The following ASTN1 variants were observed in gnomAD, a reference collection of about 807,000 sequenced individuals.
ASTN1 encodes astrotactin 1.
Under a neutral mutation model 140.7 loss-of-function variants are expected in ASTN1, and 41 were observed. That is an observed-to-expected ratio of 0.29 (90% CI 0.23 to 0.38). The LOEUF (loss-of-function observed/expected upper bound fraction) is 0.38. Ranked by LOEUF, ASTN1 falls within the 10% of genes least tolerant of loss-of-function variation. The pLI, the probability that ASTN1 is intolerant of heterozygous loss-of-function variation, is 1.00. For missense variants in ASTN1, 1,479 were observed against 1,678.8 expected (o/e 0.88, Z 2.08); for synonymous variants, 640 against 652.2 (o/e 0.98, Z 0.29).
chr1:177,029,349 T>G, intron 5 of ASTN1: 1 of 628,618 alleles, frequency 1.6e-6, no homozygotes, highest in Non-Finnish European at 3.1e-6. Context: ...CTCCTGAGTC[T>G]TCCAGAAGAA....
At chr1:177,018,945 G>T (rs1288429646) in intron 7 of ASTN1, among the ~76,000 whole-genome samples, 2 of 152,164 alleles carry the variant, frequency 1.3e-5, no homozygotes, top group African/African-American at 4.8e-5. Flanking sequence ...TACAAACCTG[G>T]GGACATATGG....
intron 2 of ASTN1, among the ~76,000 whole-genome samples, chr1:177,037,331 C>G (rs1266308009): frequency 6.6e-6 from 1 of 152,182 alleles, no homozygotes; most frequent in Non-Finnish European, 1.5e-5. Flanking sequence ...ATATCTCACA[C>G]AGCTTATTGG....
Position 177,012,841 on chromosome 1 carries a change from A to C in ASTN1, c.1523+1950T>G, listed in dbSNP as rs373803082. Among the ~76,000 whole-genome samples, 15 of 152,302 alleles carry C rather than the reference A, an allele frequency of 9.8e-5. No individual in the cohort carries two copies. In the East Asian group the frequency reaches 1.4e-3, roughly 14 times the overall value. On this transcript the variant is annotated intron_variant, in intron 8 of 22. Transcript: ENST00000361833. ...CCTGGATCACTCAGGGCAGAAGTGA[A>C]ATATTTTGTCATTGTTTTCTCCAGC...
chr1:176,977,275 T>C (rs758102342), intron 8 of ASTN1, among the ~76,000 whole-genome samples: 5 of 152,276 alleles, frequency 3.3e-5, no homozygotes, highest in Non-Finnish European at 2.9e-5. Flanking sequence ...GTTTCACTAT[T>C]AATTCAATCA....
At chr1:176,985,845 TACACACACACACACACACACAC>T (rs60769752) in intron 8 of ASTN1, among the ~76,000 whole-genome samples, 11 of 129,744 alleles carry the variant, frequency 8.5e-5, no homozygotes, top group East Asian at 7.2e-4. Context: ...TCTCTCTCTC[TACACACACACACACACACACAC>T]ACACACACAC....
intron 1 of ASTN1, among the ~76,000 whole-genome samples, chr1:177,148,472 T>C (rs1682819093): frequency 1.3e-5 from 2 of 151,380 alleles, no homozygotes; most frequent in African/African-American, 4.9e-5. Flanking sequence ...TTTGAGATAG[T>C]GCTAGAGAGG....
chr1:176,989,549 G>A (rs921290787), intron 8 of ASTN1, among the ~76,000 whole-genome samples: 9 of 151,994 alleles, frequency 5.9e-5, no homozygotes, highest in Non-Finnish European at 1.3e-4. Context: ...GGTCCCAGAG[G>A]TTCACTTTCT....
chr1:176,964,540 C>G (rs1672793343), intron 9 of ASTN1, among the ~76,000 whole-genome samples: 1 of 152,190 alleles, frequency 6.6e-6, no homozygotes, highest in Non-Finnish European at 1.5e-5. Flanking sequence ...GGCTGGCACT[C>G]AAATTATTCC....
chr1:177,095,310 T>C (rs1410000680), intron 1 of ASTN1, among the ~76,000 whole-genome samples: 1 of 152,190 alleles, frequency 6.6e-6, no homozygotes, highest in Non-Finnish European at 1.5e-5. Context: ...AAGCAACCTT[T>C]TCATAAGGAG....
intron 19 of ASTN1, among the ~76,000 whole-genome samples, 165 bp downstream of exon 19, chr1:176,884,174 C>T (rs1172937689): frequency 6.6e-6 from 1 of 152,206 alleles, no homozygotes; most frequent in Non-Finnish European, 1.5e-5. Flanking sequence ...CTTGGAAGAA[C>T]AGCTGCTTCC....
chr1:177,158,724 A>G (rs995866979), intron 1 of ASTN1, among the ~76,000 whole-genome samples: 8 of 151,356 alleles, frequency 5.3e-5, no homozygotes, highest in Admixed American at 4.6e-4. Context: ...TAGTGTGTCT[A>G]TAAGACAAGA....
At chr1:177,153,802 C>T (rs1310067653) in intron 1 of ASTN1, among the ~76,000 whole-genome samples, 1 of 152,120 alleles carries the variant, frequency 6.6e-6, no homozygotes, top group African/African-American at 2.4e-5. Flanking sequence ...ATTTGCAACT[C>T]ATTTTACAGT....
chr1:177,024,790 A>G, intron 5 of ASTN1, 58 bp from the exon 6 acceptor site: 5 of 1,571,714 alleles, frequency 3.2e-6, no homozygotes, highest in Non-Finnish European at 4.4e-6. Context: ...TTGAGAGTCC[A>G]ACTTGGCTTT....
At chr1:176,922,099 C>T (rs537104720) in intron 16 of ASTN1, among the ~76,000 whole-genome samples, 41 of 152,048 alleles carry the variant, frequency 2.7e-4, no homozygotes, top group Non-Finnish European at 4.6e-4. Context: ...CCTTATGCCC[C>T]GGAGAATATA....
chr1:177,083,783 G>T (rs1186512118), intron 1 of ASTN1, among the ~76,000 whole-genome samples: 1 of 152,122 alleles, frequency 6.6e-6, no homozygotes, highest in Non-Finnish European at 1.5e-5. Context: ...GGGGTCAGGA[G>T]ATCAAAATTA....
intron 2 of ASTN1, among the ~76,000 whole-genome samples, chr1:177,033,896 G>T (rs573442475): frequency 6.6e-6 from 1 of 152,254 alleles, no homozygotes; most frequent in Admixed American, 6.5e-5. Flanking sequence ...GCTTGGTGCT[G>T]CATGGCACTC....
chr1:176,952,641 C>T (rs1250455088), intron 11 of ASTN1, among the ~76,000 whole-genome samples: 1 of 152,072 alleles, frequency 6.6e-6, no homozygotes, highest in Non-Finnish European at 1.5e-5. Flanking sequence ...TTCTGGGTTC[C>T]CTCAAAATCT....
chr1:177,146,661 G>A (rs1033125807), intron 1 of ASTN1, among the ~76,000 whole-genome samples: 3 of 152,052 alleles, frequency 2.0e-5, no homozygotes, highest in African/African-American at 4.8e-5. Context: ...AGCTCACTAC[G>A]GCATTTACAA....
In ASTN1 at chr1:177,032,523, G is replaced by T; in HGVS notation, c.798C>A (p.Ser266Arg). 1 of 1,614,136 alleles carries T rather than the reference G, an allele frequency of 6.2e-7. No individual in the cohort carries two copies. The highest frequency in any genetic ancestry group is 1.1e-5 in the South Asian group (1 of 91,076). ...ECMNGGEDFA[S>R]QVTRTLDSLQ... is the part of the protein sequence containing the mutation. ...GGGAGTCGAGGGTGCGCGTGACCTG[G>T]CTGGCAAAGTCCTCCCCTCCGTTCA... The change falls in exon 3 of 23, where the codon AGC (serine) becomes AGA (arginine). Residue 266 changes from serine to arginine, a missense_variant. Coordinates refer to ENST00000361833, the MANE Select transcript of ASTN1 (RefSeq NM_004319.3).
Sources: gnomAD v4.1 joint callset for allele counts (sites outside exome capture counted in the v4.1 genomes callset) on GRCh38, gnomAD v4.1.1 for gene constraint, MANE v1.5 for transcripts, NCBI Gene and HGNC (gene_info 2026-07-23, HGNC 2026-07-21) for gene names.